Variants in LRP1B observed in about 807,000 individuals in gnomAD.
LRP1B encodes LDL receptor related protein 1B.
In LRP1B, 217 loss-of-function variants were observed where a neutral mutation model predicts 556.6. The ratio of observed to expected loss-of-function variants is 0.39; its 90% confidence interval spans 0.35 to 0.44. The LOEUF (loss-of-function observed/expected upper bound fraction) is 0.44. Ranked by LOEUF, LRP1B falls within the 20% of genes least tolerant of loss-of-function variation. LRP1B has a pLI of 1.00. For synonymous variants in LRP1B, 2,047 were observed against 1,865.8 expected (o/e 1.10, Z -2.50); for missense variants, 5,053 against 5,620.8 (o/e 0.90, Z 3.23).
intron 65 of LRP1B, 42 bp from the exon 66 acceptor site, chr2:140,442,665 ATATT>A (rs752371588): frequency 4.4e-6 from 7 of 1,595,412 alleles, no homozygotes; most frequent in African/African-American, 1.4e-5. Context: ...TTTGGAGAAC[ATATT>A]TATTTATTAA....
At chr2:140,535,569 G>A (rs1289321902) in intron 46 of LRP1B, among the ~76,000 whole-genome samples, 1 of 152,074 alleles carries the variant, frequency 6.6e-6, no homozygotes, top group Non-Finnish European at 1.5e-5. Flanking sequence ...TAATGGAATA[G>A]AGGAGAAAAG....
intron 1 of LRP1B, among the ~76,000 whole-genome samples, chr2:141,895,611 C>T (rs1699428919): frequency 2.0e-5 from 3 of 152,074 alleles, no homozygotes. Context: ...TTTTTCCACC[C>T]ATGAGACTTG....
chr2:140,604,234 A>G (rs970208810), intron 41 of LRP1B, among the ~76,000 whole-genome samples: 1 of 152,026 alleles, frequency 6.6e-6, no homozygotes, highest in African/African-American at 2.4e-5. Context: ...CCAAGAAAAA[A>G]AAAAAAAAAG....
At chr2:141,298,965 A>AC (rs1261669615) in intron 3 of LRP1B, among the ~76,000 whole-genome samples, 20 of 151,514 alleles carry the variant, frequency 1.3e-4, no homozygotes, top group Non-Finnish European at 2.4e-4. Flanking sequence ...AAAAAAAAAA[A>AC]AAAAAAACCC....
At chr2:140,429,438 G>C (rs62172976) in intron 66 of LRP1B, among the ~76,000 whole-genome samples, 7 of 151,802 alleles carry the variant, frequency 4.6e-5, no homozygotes, top group Non-Finnish European at 1.0e-4. Flanking sequence ...GCCTCTCTTC[G>C]CTTTCACTTG....
At chr2:141,777,494 C>A (rs564587491) in intron 2 of LRP1B, among the ~76,000 whole-genome samples, 4 of 152,174 alleles carry the variant, frequency 2.6e-5, no homozygotes, top group Non-Finnish European at 5.9e-5. Context: ...CGGCTCACTG[C>A]AGCCTCCGCC....
At chr2:141,154,037 A>G (rs2105092326) in intron 7 of LRP1B, among the ~76,000 whole-genome samples, 1 of 151,988 alleles carries the variant, frequency 6.6e-6, no homozygotes, top group East Asian at 1.9e-4. Flanking sequence ...CTAGAATGGA[A>G]ATGAGGAGAG....
intron 41 of LRP1B, among the ~76,000 whole-genome samples, chr2:140,642,651 C>G (rs547802673): frequency 6.6e-6 from 1 of 152,162 alleles, no homozygotes; most frequent in African/African-American, 2.4e-5. Context: ...ACCATCCTGG[C>G]TAACACGGTG....
intron 79 of LRP1B, 71 bp from the exon 80 acceptor site, chr2:140,325,949 T>G (rs1680454082): frequency 1.0e-6 from 1 of 958,428 alleles, no homozygotes; most frequent in Non-Finnish European, 1.7e-6. Flanking sequence ...TACTTTTGCT[T>G]CTTATTGTAT....
chr2:141,432,110 A>G (rs1329992584), intron 3 of LRP1B, among the ~76,000 whole-genome samples: 1 of 152,096 alleles, frequency 6.6e-6, no homozygotes, highest in Non-Finnish European at 1.5e-5. Context: ...GTTACCCTTT[A>G]TTAGGATGAT....
In LRP1B at chr2:142,011,021, C is replaced by A. The variant is rs141469568; in HGVS notation, c.82+119627G>T. 2.0e-3 allele frequency among the ~76,000 whole-genome samples: 301 copies of A among 152,272 alleles called. 1 individual carries two copies. Among genetic ancestry groups the A allele is most frequent in the African/African-American group, 6.9e-3 (287 of 41,562 alleles). ...CCAGAGAACATATTTATTCCTCCTT[C>A]TAGTGAGGCTTTAACAATTACTTGA... On this transcript the variant is annotated intron_variant, in intron 1 of 90. Transcript: ENST00000389484.
At chr2:141,819,256 C>A (rs949108594) in intron 1 of LRP1B, among the ~76,000 whole-genome samples, 60 of 148,894 alleles carry the variant, frequency 4.0e-4, no homozygotes, top group South Asian at 8.5e-4. Flanking sequence ...AACAAACAAA[C>A]AAAAAAAAAA....
At chr2:141,727,352 C>G (rs897240637) in intron 2 of LRP1B, among the ~76,000 whole-genome samples, 3 of 152,100 alleles carry the variant, frequency 2.0e-5, no homozygotes, top group Non-Finnish European at 4.4e-5. Flanking sequence ...GAGCCAAAAT[C>G]TGGTTTACCT....
intron 7 of LRP1B, among the ~76,000 whole-genome samples, chr2:141,083,021 T>G (rs2104888786): frequency 6.6e-6 from 1 of 152,318 alleles, no homozygotes; most frequent in Non-Finnish European, 1.5e-5. Context: ...ATGCATTAAC[T>G]AATGATCCAA....
At chr2:141,534,485 G>A (rs1447804683) in intron 2 of LRP1B, among the ~76,000 whole-genome samples, 1 of 151,992 alleles carries the variant, frequency 6.6e-6, no homozygotes, top group Non-Finnish European at 1.5e-5. Context: ...TTTTTCCGTG[G>A]TACTTAAATC....
chr2:142,073,463 A>G (rs997971850), intron 1 of LRP1B, among the ~76,000 whole-genome samples: 2 of 152,078 alleles, frequency 1.3e-5, no homozygotes, highest in Non-Finnish European at 2.9e-5. Context: ...AGATACTTCA[A>G]TAACTAAATT....
At position 141,508,867 on chromosome 2, in the gene LRP1B, G is replaced by A. The variant is rs1166682938; in HGVS notation, c.206-28334C>T. 2.6e-5 allele frequency among the ~76,000 whole-genome samples: 4 copies of A among 151,988 alleles called. No individual in the cohort carries two copies. In the East Asian group the frequency reaches 7.7e-4, roughly 29 times the overall value. ...AATTGTATTTCTCATAGTCAATGGA[G>A]GTTATGGAAAGATAATTTGTCCTGA... On this transcript the variant is annotated intron_variant, in intron 2 of 90. Coordinates refer to ENST00000389484, the MANE Select transcript of LRP1B (RefSeq NM_018557.3).
intron 41 of LRP1B, among the ~76,000 whole-genome samples, chr2:140,620,415 C>A (rs1234749225): frequency 6.6e-6 from 1 of 152,178 alleles, no homozygotes; most frequent in Non-Finnish European, 1.5e-5. Context: ...AGAAAACTCC[C>A]AGAAGGTCTG....
At chr2:140,468,348 A>C (rs985629527) in intron 60 of LRP1B, among the ~76,000 whole-genome samples, 2 of 152,202 alleles carry the variant, frequency 1.3e-5, no homozygotes, top group Non-Finnish European at 2.9e-5. Context: ...ATTTCAAAAA[A>C]TGCCACAGAA....
Sources: gnomAD v4.1 joint callset for allele counts (sites outside exome capture counted in the v4.1 genomes callset) on GRCh38, gnomAD v4.1.1 for gene constraint, MANE v1.5 for transcripts, NCBI Gene and HGNC (gene_info 2026-07-23, HGNC 2026-07-21) for gene names.